NELFB: variants seen among roughly 807,000 people sequenced by gnomAD.
NELFB encodes the protein negative elongation factor B.
A neutral mutation model predicts 60.2 loss-of-function variants in NELFB; 34 were observed. That is an observed-to-expected ratio of 0.56 (90% CI 0.43 to 0.75). The LOEUF is 0.75. Ranked by LOEUF, NELFB falls within the 30% of genes least tolerant of loss-of-function variation. The probability of loss-of-function intolerance (pLI) is 0.00; values close to 1 mark genes in which losing one functional copy is unlikely to be tolerated. For synonymous variants in NELFB, 459 were observed against 382.1 expected, an observed-to-expected ratio of 1.20 and a Z score of -2.35; for missense variants, 770 against 831.6, an observed-to-expected ratio of 0.93 and a Z score of 0.91.
chr9:137,255,693 G>A (rs1837539445), intron 1 of NELFB, 82 bp downstream of exon 1: 6 of 1,464,038 alleles, frequency 4.1e-6, no homozygotes, highest in Non-Finnish European at 5.5e-6. Context: ...GGAGGCGCCG[G>A]AAGTTTTCCG....
intron 8 of NELFB, 151 bp from the exon 9 acceptor site, chr9:137,266,793 G>A: frequency 1.1e-6 from 1 of 909,760 alleles, no homozygotes; most frequent in Non-Finnish European, 1.6e-6. Flanking sequence ...GACTCGGGAG[G>A]TGGGAAGAGG....
rs1372575626 is a variant in NELFB at position 137,267,270 on chromosome 9, G to T, written c.1413G>T (p.Glu471Asp). The change falls in exon 10 of 13, where the codon GAG becomes GAT. Residue 471 changes from glutamate to aspartate, a missense_variant. Glu to Asp is a conservative substitution (Grantham distance 45). Coordinates refer to ENST00000343053, the MANE Select transcript of NELFB (RefSeq NM_015456.5). ...TGCAGGAGCAGCGCATGGCCTGCGAGGTGGGGCTGTACTACGTCCTGCACA... is the reference window on the plus strand; with the variant it reads ...TGCAGGAGCAGCGCATGGCCTGCGATGTGGGGCTGTACTACGTCCTGCACA... 1.2e-6 allele frequency: 2 copies of T among 1,613,440 alleles called. No homozygotes were observed. The highest frequency in any genetic ancestry group is 1.7e-6 in the Non-Finnish European group (2 of 1,179,854).
chr9:137,271,533 C>T (rs138791617), intron 10 of NELFB, among the ~76,000 whole-genome samples: 123 of 152,372 alleles, frequency 8.1e-4, no homozygotes, highest in South Asian at 1.9e-3. Flanking sequence ...GCACGTGAGG[C>T]GTCTGTGGGC....
chr9:137,272,988 G>C lies in NELFB; in HGVS notation c.*60G>C. ...GCCGAGTCGCGGCCCTGCTCAGCCG[G>C]AAGAGGCTCCCGGACCTGGATGTAC... On this transcript the variant is annotated 3_prime_UTR_variant, in exon 13 of 13. Transcript: ENST00000343053. The C allele has an allele frequency of 6.9e-7, 1 of 1,449,568 alleles. No homozygotes were observed. Among genetic ancestry groups the C allele is most frequent in the Non-Finnish European group, 9.1e-7 (1 of 1,095,578 alleles). 89.8% of individuals were successfully genotyped at this position (1,449,568 alleles called of 1,614,324 possible).
chr9:137,261,329 G>C (rs1382071847), intron 4 of NELFB, among the ~76,000 whole-genome samples: 3 of 132,728 alleles, frequency 2.3e-5, no homozygotes, highest in Admixed American at 1.7e-4. Context: ...AACAGAGCAC[G>C]ACTCGGTTTC....
chr9:137,272,439 C>T (rs757156004), intron 11 of NELFB, 68 bp from the exon 12 acceptor site: 70 of 1,511,142 alleles, frequency 4.6e-5, no homozygotes, highest in Non-Finnish European at 6.2e-5. Flanking sequence ...TGGCCACCTG[C>T]ATCTGGGCTG....
At position 137,269,492 on chromosome 9, in the gene NELFB, C is replaced by T. The variant is rs372941323; in HGVS notation, c.1489+2146C>T. ...TGGCCTGCCCACTGCAGTACAGTCA[C>T]GTGTCACATAACATTCTGTCTACCG... On this transcript the variant is annotated intron_variant, in intron 10 of 12. Transcript: ENST00000343053. This position sits in a 1 kb window ranked among gnomAD's most constrained non-coding sequence, Gnocchi z 5.3. Among the ~76,000 whole-genome samples, 4 of 152,338 alleles carry T rather than the reference C, an allele frequency of 2.6e-5. No homozygotes were observed. The highest frequency in any genetic ancestry group is 1.9e-4 in the East Asian group (1 of 5,190).
chr9:137,272,046 G>A (rs1280754934), intron 10 of NELFB, 35 bp from the exon 11 acceptor site: 2 of 1,613,300 alleles, frequency 1.2e-6, no homozygotes, highest in East Asian at 2.2e-5. Flanking sequence ...TGGGCAGGGT[G>A]AGTGGCACTG....
At chr9:137,272,338 G>A (rs1830593878) in intron 11 of NELFB, 116 bp downstream of exon 11, 2 of 1,518,572 alleles carry the variant, frequency 1.3e-6, no homozygotes, top group East Asian at 2.3e-5. Context: ...TGGGTCTGTT[G>A]GGCACCAGGG....
chr9:137,263,254 C>T (rs539980120), intron 5 of NELFB, 32 bp downstream of exon 5: 2 of 1,578,194 alleles, frequency 1.3e-6, no homozygotes, highest in African/African-American at 1.3e-5. Flanking sequence ...CCCCCCTACC[C>T]TCCTGAAGGT....
At chr9:137,262,065 A>G (rs1830455107) in intron 4 of NELFB, among the ~76,000 whole-genome samples, 1 of 152,146 alleles carries the variant, frequency 6.6e-6, no homozygotes, top group African/African-American at 2.4e-5. Flanking sequence ...CTAATTGACT[A>G]CTGCTATCTA....
At chr9:137,257,504 CTTT>C (rs56957141) in intron 4 of NELFB, among the ~76,000 whole-genome samples, 3 of 121,294 alleles carry the variant, frequency 2.5e-5, no homozygotes, top group Non-Finnish European at 3.4e-5. Flanking sequence ...TTTTCTTTTT[CTTT>C]TTTTTTTTTT....
At position 137,266,264 on chromosome 9, in the gene NELFB, G is replaced by T. The variant is rs953742864; in HGVS notation, c.1144-67G>T. ...AGAGATCCTGCTGAGTAACGAGTAG[G>T]GTCAGAGGAGCTCCATGGCCAGGAC... is the stretch of plus-strand genomic sequence containing the variant. On this transcript the variant is annotated intron_variant, in intron 7 of 12. Coordinates refer to ENST00000343053, the MANE Select transcript of NELFB (RefSeq NM_015456.5). 6 of 1,393,860 alleles carry T rather than the reference G, an allele frequency of 4.3e-6. No homozygotes were observed. In the African/African-American group the frequency reaches 5.7e-5, roughly 13 times the overall value. 86.3% of individuals were successfully genotyped at this position (1,393,860 alleles called of 1,614,324 possible).
rs757946080 is a variant in NELFB at position 137,256,980 on chromosome 9, G to T, written c.667G>T (p.Ala223Ser). Residue 223 changes from alanine (A) to serine (S), a missense_variant, in exon 4 of 13, where the codon GCT becomes TCT. Physicochemically the swap from Ala to Ser is moderately conservative, Grantham distance 99. Transcript: ENST00000343053. ...GCAGTACATCCTGGAGAAGGAGAGCGCTCTCTTCAGTACAGAGCTCTCTGT... is the reference window on the plus strand; with the variant it reads ...GCAGTACATCCTGGAGAAGGAGAGCTCTCTCTTCAGTACAGAGCTCTCTGT... 6 of 1,614,084 alleles carry T rather than the reference G, an allele frequency of 3.7e-6. No homozygotes were observed. The East Asian group carries it at 1.1e-4, about 30-fold the overall frequency.
Position 137,266,812 on chromosome 9 carries a change from G to C in NELFB, c.1240-132G>C, listed in dbSNP as rs935244507. The C allele has an allele frequency of 2.3e-5, 24 of 1,061,978 alleles. No homozygotes were observed. In the South Asian group the frequency reaches 3.5e-4, roughly 16 times the overall value. 65.8% of individuals were successfully genotyped at this position (1,061,978 alleles called of 1,614,324 possible). On this transcript the variant is annotated intron_variant, in intron 8 of 12. Transcript: ENST00000343053. ...CGGGAGGTGGGAAGAGGGACCTGGG[G>C]ACCTGGAGAGGAGGGAGGGTCGGTG...
At position 137,266,388 on chromosome 9, in the gene NELFB, G is replaced by T; in HGVS notation, c.1201G>T (p.Asp401Tyr). Reference sequence around the variant, plus strand: ...GCTGGCGCTGGGCCAGGGAGCCTGGGACATGATCGACAGCCAGGTCTTCAA... The same window carrying T: ...GCTGGCGCTGGGCCAGGGAGCCTGGTACATGATCGACAGCCAGGTCTTCAA... Residue 401 changes from aspartate (D) to tyrosine (Y), a missense_variant, in exon 8 of 13, where the codon GAC becomes TAC. Coordinates refer to ENST00000343053, the MANE Select transcript of NELFB (RefSeq NM_015456.5). 6.2e-7 allele frequency: 1 copy of T among 1,612,976 alleles called. No individual in the cohort carries two copies. The highest frequency in any genetic ancestry group is 8.5e-7 in the Non-Finnish European group (1 of 1,179,982).
rs553000688 is a variant in NELFB at position 137,266,191 on chromosome 9, G to A, written c.1144-140G>A. ...CCGCTGTGAGACTGCGTTTCACCCCGTGTGTGGGGCTGGTGATCGCAGTCG... is the reference window on the plus strand; with the variant it reads ...CCGCTGTGAGACTGCGTTTCACCCCATGTGTGGGGCTGGTGATCGCAGTCG... On this transcript the variant is annotated intron_variant, in intron 7 of 12. Transcript: ENST00000343053. 53 of 792,208 alleles carry A rather than the reference G, an allele frequency of 6.7e-5. No homozygotes were observed. In the East Asian group the frequency reaches 1.1e-3, roughly 17 times the overall value. The allele number at this position is 792,208 out of a possible 1,614,324, so 49.1% of individuals were successfully genotyped here.
At chr9:137,258,320 C>G (rs958522134) in intron 4 of NELFB, among the ~76,000 whole-genome samples, 1 of 146,294 alleles carries the variant, frequency 6.8e-6, no homozygotes, top group Non-Finnish European at 1.5e-5. Context: ...GTTGGTGTTT[C>G]GCTGTGTTGC....
At chr9:137,271,075 G>A (rs979817121) in intron 10 of NELFB, among the ~76,000 whole-genome samples, 11 of 152,270 alleles carry the variant, frequency 7.2e-5, no homozygotes, top group Non-Finnish European at 1.2e-4. Flanking sequence ...GTTGGGATGC[G>A]CCTGCTGTCC....
Sources: gnomAD v4.1 joint callset for allele counts (sites outside exome capture counted in the v4.1 genomes callset) on GRCh38, gnomAD v4.1.1 for gene constraint, Gnocchi (gnomAD v3.1) non-coding constraint, MANE v1.5 for transcripts, NCBI Gene and HGNC (gene_info 2026-07-23, HGNC 2026-07-21) for gene names.